SLC24A4: variants seen among roughly 807,000 people sequenced by gnomAD.
SLC24A4 encodes solute carrier family 24 member 4.
Under a neutral mutation model 79.0 loss-of-function variants are expected in SLC24A4, and 53 were observed. The ratio of observed to expected loss-of-function variants is 0.67; its 90% confidence interval spans 0.54 to 0.84. SLC24A4 has a LOEUF of 0.84. Ranked by LOEUF, SLC24A4 falls within the 40% of genes least tolerant of loss-of-function variation. The pLI is 0.00. For missense variants in SLC24A4, 731 were observed against 822.0 expected, an observed-to-expected ratio of 0.89 and a Z score of 1.35; for synonymous variants, 323 against 323.8, an observed-to-expected ratio of 1.00 and a Z score of 0.03.
chr14:92,407,229 T>C (rs2141779183), intron 2 of SLC24A4, among the ~76,000 whole-genome samples: 1 of 152,378 alleles, frequency 6.6e-6, no homozygotes, highest in Middle Eastern at 3.4e-3. Context: ...CTCATCTCCA[T>C]CTGAGACTAC....
chr14:92,343,581 T>C (rs1943185953), intron 2 of SLC24A4, among the ~76,000 whole-genome samples: 1 of 50,350 alleles, frequency 2.0e-5, no homozygotes, highest in Non-Finnish European at 3.9e-5. Flanking sequence ...TAATTACTGT[T>C]TTCTTTCTTT....
chr14:92,367,066 G>A (rs1332979680), intron 2 of SLC24A4, among the ~76,000 whole-genome samples: 1 of 152,170 alleles, frequency 6.6e-6, no homozygotes, highest in East Asian at 1.9e-4. Context: ...GACACCCCGG[G>A]TACCATCCAG....
intron 3 of SLC24A4, 68 bp downstream of exon 3, chr14:92,434,056 AGCC>A: frequency 8.1e-7 from 1 of 1,229,104 alleles, no homozygotes; most frequent in Non-Finnish European, 1.2e-6. Flanking sequence ...AGCGGGGCAG[AGCC>A]GTGGCGTGTC....
intron 2 of SLC24A4, among the ~76,000 whole-genome samples, chr14:92,428,493 C>T (rs1349797275): frequency 6.6e-6 from 1 of 152,166 alleles, no homozygotes; most frequent in East Asian, 1.9e-4. Flanking sequence ...CCTGTCACAA[C>T]ATATGAGGAA....
At chr14:92,489,433 G>GA (rs886981792) in intron 14 of SLC24A4, among the ~76,000 whole-genome samples, 12 of 147,786 alleles carry the variant, frequency 8.1e-5, no homozygotes, top group South Asian at 2.2e-4. Flanking sequence ...GTCTCAAAAA[G>GA]AAAAAAAAAA....
At chr14:92,380,670 G>A (rs1303433006) in intron 2 of SLC24A4, among the ~76,000 whole-genome samples, 1 of 152,240 alleles carries the variant, frequency 6.6e-6, no homozygotes, top group East Asian at 1.9e-4. Flanking sequence ...GGAACTTGCG[G>A]CTCCCGCCCA....
intron 10 of SLC24A4, 88 bp downstream of exon 10, chr14:92,449,304 AC>A: frequency 1.5e-6 from 2 of 1,302,526 alleles, no homozygotes; most frequent in Admixed American, 2.2e-5. Context: ...ACACACACAC[AC>A]ACACACACAC....
intron 12 of SLC24A4, among the ~76,000 whole-genome samples, chr14:92,464,300 A>G (rs929037849): frequency 6.6e-6 from 1 of 152,200 alleles, no homozygotes; most frequent in Non-Finnish European, 1.5e-5. Flanking sequence ...CCCAAGGGAC[A>G]GTCTTGACCA....
At chr14:92,332,413 G>A (rs1458893793) in intron 2 of SLC24A4, among the ~76,000 whole-genome samples, 4 of 152,238 alleles carry the variant, frequency 2.6e-5, no homozygotes, top group Non-Finnish European at 5.9e-5. Context: ...GCCAGGCACA[G>A]TGACTCATGC....
chr14:92,385,365 C>G (rs925970960), intron 2 of SLC24A4, among the ~76,000 whole-genome samples: 2 of 151,936 alleles, frequency 1.3e-5, no homozygotes, highest in Admixed American at 1.3e-4. Flanking sequence ...ATTAACTGGG[C>G]GTGTGCGTGT....
chr14:92,388,111 G>A (rs1889265941), intron 2 of SLC24A4, among the ~76,000 whole-genome samples: 1 of 152,112 alleles, frequency 6.6e-6, no homozygotes, highest in Non-Finnish European at 1.5e-5. Context: ...ATTTTTTGTG[G>A]AACCTCCATA....
chr14:92,454,992 A>T (rs542675937), intron 11 of SLC24A4, among the ~76,000 whole-genome samples: 25 of 151,344 alleles, frequency 1.7e-4, no homozygotes, highest in African/African-American at 6.0e-4. Flanking sequence ...AGAGATTGGG[A>T]TTTATAGTAT....
Position 92,324,043 on chromosome 14 carries a change from C to T in SLC24A4, c.130+83C>T, listed in dbSNP as rs1339004442. 9.9e-6 allele frequency: 15 copies of T among 1,522,660 alleles called. No individual in the cohort carries two copies. The East Asian group carries it at 2.7e-4, about 27-fold the overall frequency. 94.3% of individuals were successfully genotyped at this position (1,522,660 alleles called of 1,614,324 possible). A position where few individuals can be genotyped will look rare whatever the true frequency, so the allele number is the denominator to read the frequency against. On this transcript the variant is annotated intron_variant, in intron 1 of 16. Coordinates refer to ENST00000532405, the MANE Select transcript of SLC24A4 (RefSeq NM_153646.4). ...CTCGGGGCGGCTGCGAGATGTTTTC[C>T]CCTCCTTCCTCATCAGGTTGGTCCC...
chr14:92,412,145 A>G (rs117995763), intron 2 of SLC24A4, among the ~76,000 whole-genome samples: 3,010 of 152,232 alleles, frequency 0.02, 53 homozygotes, highest in South Asian at 0.039. Flanking sequence ...GGGGTTTGGC[A>G]GGAAGAAAGC....
At chr14:92,379,768 G>T (rs1414040714) in intron 2 of SLC24A4, among the ~76,000 whole-genome samples, 1 of 152,024 alleles carries the variant, frequency 6.6e-6, no homozygotes, top group Non-Finnish European at 1.5e-5. Flanking sequence ...TGAAACTCAC[G>T]TGCCTCCTGC....
At chr14:92,457,277 T>C (rs1291141861) in intron 12 of SLC24A4, 1 of 114,476 alleles carries the variant, frequency 8.7e-6, no homozygotes, top group Admixed American at 8.6e-5. Flanking sequence ...CTCACTGTCA[T>C]TCCTAGAACA....
intron 11 of SLC24A4, among the ~76,000 whole-genome samples, chr14:92,454,549 A>G (rs183264600): frequency 6.7e-4 from 102 of 152,326 alleles, no homozygotes; most frequent in African/African-American, 2.4e-3. Context: ...ATATTATTTA[A>G]TGTATAAACA....
intron 14 of SLC24A4, among the ~76,000 whole-genome samples, chr14:92,489,255 T>C (rs1595364292): frequency 6.6e-6 from 1 of 151,734 alleles, no homozygotes; most frequent in African/African-American, 2.4e-5. Flanking sequence ...CTGGCCAACA[T>C]GGTGAAACCC....
At chr14:92,485,493 A>C (rs944857127) in intron 13 of SLC24A4, among the ~76,000 whole-genome samples, 1 of 152,030 alleles carries the variant, frequency 6.6e-6, no homozygotes, top group African/African-American at 2.4e-5. Context: ...GAAAAAAAAA[A>C]ACTCCCTAGA....
Sources: allele counts gnomAD v4.1 joint callset (sites outside exome capture counted in the v4.1 genomes callset), GRCh38; gene constraint gnomAD v4.1.1; transcripts MANE v1.5; gene names NCBI Gene and HGNC (gene_info 2026-07-23, HGNC 2026-07-21).